The following PID1 variants were observed in gnomAD, a reference collection of about 807,000 sequenced individuals.
PID1 encodes phosphotyrosine interaction domain containing 1.
Under a neutral mutation model 19.1 loss-of-function variants are expected in PID1, and 10 were observed. The ratio of observed to expected loss-of-function variants is 0.52; its 90% CI spans 0.32 to 0.89. The LOEUF (loss-of-function observed/expected upper bound fraction) is 0.89, where lower values mean the gene tolerates loss of function less well. Ranked by LOEUF, PID1 falls within the 40% of genes least tolerant of loss-of-function variation. The pLI, the probability that PID1 is intolerant of heterozygous loss-of-function variation, is 0.03. For synonymous variants in PID1, 130 were observed against 116.0 expected (o/e 1.12, Z -0.78); for missense variants, 248 against 285.3 (o/e 0.87, Z 0.94).
intron 2 of PID1, among the ~76,000 whole-genome samples, chr2:229,077,333 C>A (rs952750783): frequency 1.3e-5 from 2 of 152,066 alleles, no homozygotes; most frequent in African/African-American, 4.8e-5. Context: ...ACTCTGTAGG[C>A]TGCCTGTTCA....
intron 2 of PID1, among the ~76,000 whole-genome samples, chr2:229,091,344 C>T (rs1694874022): frequency 6.9e-6 from 1 of 145,536 alleles, no homozygotes; most frequent in South Asian, 2.1e-4. Context: ...GTAAGAGATT[C>T]ACAAAAACTC....
chr2:229,127,148 A>G (rs112423595), intron 2 of PID1, among the ~76,000 whole-genome samples: 169 of 152,338 alleles, frequency 1.1e-3, no homozygotes, highest in African/African-American at 3.9e-3. Context: ...CCCAAATGCC[A>G]AGGACAAAGT....
chr2:229,211,468 C>T (rs1691732016), intron 1 of PID1, among the ~76,000 whole-genome samples: 1 of 152,096 alleles, frequency 6.6e-6, no homozygotes, highest in Non-Finnish European at 1.5e-5. Context: ...TTTTCTTAAA[C>T]AGACTACACG....
intron 2 of PID1, among the ~76,000 whole-genome samples, chr2:229,045,274 G>A (rs10202341): frequency 0.55 from 84,239 of 152,060 alleles, 24,344 homozygotes; most frequent in African/African-American, 0.72. Flanking sequence ...AGTTTTATGT[G>A]GAGAGTTTAT....
rs944399719 is a variant in PID1 at position 229,069,897 on chromosome 2, C to T, written c.178-43789G>A. Among the ~76,000 whole-genome samples the T allele has an allele frequency of 5.3e-5, 8 of 152,334 alleles. No homozygotes were observed. The South Asian group carries it at 6.2e-4, about 12-fold the overall frequency. ...GACTTTTCAAGACTCACATTTCACA[C>T]ACAAGCACAAATCAACAGTTTGACA... On this transcript the variant is annotated intron_variant, in intron 2 of 2. Coordinates refer to ENST00000392055, the MANE Select transcript of PID1 (RefSeq NM_001100818.2).
Position 229,025,679 on chromosome 2 carries a change from T to C in PID1, c.607A>G (p.Ser203Gly). 1 of 1,613,658 alleles carries C rather than the reference T, an allele frequency of 6.2e-7. No homozygotes were observed. The highest frequency in any genetic ancestry group is 1.1e-5 in the South Asian group (1 of 91,080). The change falls in exon 3 of 3, where the codon AGC becomes GGC. Residue 203 changes from serine to glycine, a missense_variant. Ser to Gly is a moderately conservative substitution (Grantham distance 56). Coordinates refer to ENST00000392055, the MANE Select transcript of PID1 (RefSeq NM_001100818.2). The stretch of plus-strand genomic sequence containing the variant: ...TCCTGGGAAACCTCTTCGGAGGAGC[T>C]GTTGCTGTGGATCCGCCCGTCGCTC... The part of the protein sequence containing the change: ...MKSDGRIHSN[S>G]SSEEVSQELE...
intron 2 of PID1, among the ~76,000 whole-genome samples, chr2:229,124,413 A>T (rs1463608050): frequency 6.6e-6 from 1 of 152,222 alleles, no homozygotes; most frequent in Non-Finnish European, 1.5e-5. Context: ...AAAAAAAGTT[A>T]GAGGAAAGAG....
chr2:229,096,682 G>A (rs1314415470), intron 2 of PID1, among the ~76,000 whole-genome samples: 1 of 152,038 alleles, frequency 6.6e-6, no homozygotes, highest in Non-Finnish European at 1.5e-5. Context: ...AAAGCACCAG[G>A]GTCCTACATA....
chr2:229,179,469 AAAAG>A (rs1690892787), intron 1 of PID1, among the ~76,000 whole-genome samples: 1 of 152,216 alleles, frequency 6.6e-6, no homozygotes, highest in African/African-American at 2.4e-5. Context: ...AGGAACACCA[AAAAG>A]AAAGAGAGAA....
intron 1 of PID1, among the ~76,000 whole-genome samples, chr2:229,249,059 T>G (rs1333734829): frequency 3.9e-5 from 6 of 152,214 alleles, no homozygotes. Context: ...ACAAGACAGA[T>G]TCTATGTTTT....
intron 1 of PID1, among the ~76,000 whole-genome samples, chr2:229,204,288 T>C (rs1158549879): frequency 1.2e-4 from 18 of 152,112 alleles, no homozygotes; most frequent in Non-Finnish European, 2.9e-5. Context: ...TTAGGAACAT[T>C]AGTTTCTCAA....
chr2:229,118,006 A>G (rs755703177), intron 2 of PID1, among the ~76,000 whole-genome samples: 3 of 152,072 alleles, frequency 2.0e-5, no homozygotes, highest in Non-Finnish European at 4.4e-5. Context: ...GTCTCTCTCA[A>G]TAGATTGGAA....
Position 229,152,710 on chromosome 2 carries a change from GC to G in PID1, c.177+3107del, listed in dbSNP as rs373611225. Reference sequence around the variant, plus strand: ...GAGGAGAACACACAAAGACCCAGCTGCCCGAAACATGAATAGCCTAGCAAGG... The same window carrying G: ...GAGGAGAACACACAAAGACCCAGCTGCCGAAACATGAATAGCCTAGCAAGG... On this transcript the variant is annotated intron_variant, in intron 2 of 2. Coordinates refer to ENST00000392055, the MANE Select transcript of PID1 (RefSeq NM_001100818.2). 1.7e-4 allele frequency among the ~76,000 whole-genome samples: 26 copies of G among 151,744 alleles called. No individual in the cohort carries two copies. In the South Asian group the frequency reaches 4.4e-3, roughly 26 times the overall value.
At chr2:229,246,460 C>T (rs886306008) in intron 1 of PID1, among the ~76,000 whole-genome samples, 5 of 152,132 alleles carry the variant, frequency 3.3e-5, no homozygotes, top group African/African-American at 1.2e-4. Flanking sequence ...AAGAGTTAGG[C>T]TTCCTTGGTT....
chr2:229,137,961 G>A (rs759620625), intron 2 of PID1, among the ~76,000 whole-genome samples: 70 of 152,184 alleles, frequency 4.6e-4, no homozygotes, highest in Non-Finnish European at 6.6e-4. Context: ...TGAAGATTTT[G>A]CTTTGTGCAG....
chr2:229,159,935 C>T (rs1305796477), intron 1 of PID1, among the ~76,000 whole-genome samples: 1 of 152,026 alleles, frequency 6.6e-6, no homozygotes, highest in Non-Finnish European at 1.5e-5. Context: ...ACATAGGTCA[C>T]TGAGAGTGAG....
intron 1 of PID1, chr2:229,228,210 T>C (rs1363121166): frequency 2.8e-6 from 1 of 362,306 alleles, no homozygotes; most frequent in Non-Finnish European, 5.5e-6. Context: ...TTTCATTAAA[T>C]GAGAACTTGT....
intron 2 of PID1, among the ~76,000 whole-genome samples, chr2:229,085,974 G>A (rs1056476159): frequency 1.3e-5 from 2 of 151,974 alleles, no homozygotes; most frequent in South Asian, 2.1e-4. Context: ...AAAATAAGGC[G>A]ACTGGATTTC....
intron 1 of PID1, among the ~76,000 whole-genome samples, chr2:229,164,049 T>C (rs914782920): frequency 2.6e-5 from 4 of 152,182 alleles, no homozygotes; most frequent in African/African-American, 9.7e-5. Context: ...GGTTAACAAT[T>C]AGCTCCAGCT....
Sources: gnomAD v4.1 joint callset for allele counts (sites outside exome capture counted in the v4.1 genomes callset) on GRCh38, gnomAD v4.1.1 for gene constraint, MANE v1.5 for transcripts, NCBI Gene and HGNC (gene_info 2026-07-23, HGNC 2026-07-21) for gene names.